The following FGF10 variants were observed in gnomAD, a reference collection of about 807,000 sequenced individuals.
The protein encoded by FGF10 is FGF-10.
Under a neutral mutation model 19.8 loss-of-function variants are expected in FGF10, and 2 were observed. That is an observed-to-expected ratio of 0.10 (90% CI 0.04 to 0.32). The LOEUF is 0.32. FGF10 is among the 10% of genes least tolerant of loss of function. The probability of loss-of-function intolerance (pLI) is 1.00; values close to 1 mark genes in which losing one functional copy is unlikely to be tolerated. For missense variants in FGF10, 191 were observed against 246.3 expected (o/e 0.78, Z 1.50); for synonymous variants, 112 against 94.0 (o/e 1.19, Z -1.10).
chr5:44,315,379 A>G (rs189898720), intron 1 of FGF10, among the ~76,000 whole-genome samples: 10 of 152,230 alleles, frequency 6.6e-5, no homozygotes, highest in Non-Finnish European at 1.5e-4. Flanking sequence ...GTGCATGCAT[A>G]AAAACAGGCT....
intron 1 of FGF10, among the ~76,000 whole-genome samples, chr5:44,353,280 T>C (rs1741275721): frequency 6.6e-6 from 1 of 151,608 alleles, no homozygotes; most frequent in Non-Finnish European, 1.5e-5. Flanking sequence ...TTTGTTATTG[T>C]TGTTGTTAGT....
chr5:44,371,299 C>G (rs1453505899), intron 1 of FGF10, among the ~76,000 whole-genome samples: 1 of 152,060 alleles, frequency 6.6e-6, no homozygotes, highest in Non-Finnish European at 1.5e-5. Context: ...TCCACAGTAG[C>G]AAGAATACCC....
At chr5:44,343,600 G>A (rs1741018254) in intron 1 of FGF10, among the ~76,000 whole-genome samples, 1 of 151,984 alleles carries the variant, frequency 6.6e-6, no homozygotes. Flanking sequence ...TTCTGGTTAT[G>A]TCAAGGAAAA....
intron 1 of FGF10, among the ~76,000 whole-genome samples, chr5:44,347,373 C>A (rs368609527): frequency 4.0e-5 from 6 of 151,690 alleles, no homozygotes; most frequent in Non-Finnish European, 7.4e-5. Flanking sequence ...TGAAGAAATG[C>A]GAGCAACCCT....
chr5:44,310,360 G>A (rs1434404587), intron 2 of FGF10, 67 bp downstream of exon 2: 4 of 1,087,484 alleles, frequency 3.7e-6, no homozygotes, highest in Non-Finnish European at 5.6e-6. Flanking sequence ...GGTGTCTGGA[G>A]GAAACTTTCC....
chr5:44,362,133 C>T (rs556191903), intron 1 of FGF10, among the ~76,000 whole-genome samples: 157 of 151,782 alleles, frequency 1.0e-3, no homozygotes, highest in African/African-American at 3.6e-3. Context: ...GGCATCATGG[C>T]TCTGCTATTT....
Position 44,388,612 on chromosome 5 carries a change from A to G in FGF10, c.71T>C (p.Phe24Ser). The G allele has an allele frequency of 6.2e-7, 1 of 1,614,026 alleles. No homozygotes were observed. The highest frequency in any genetic ancestry group is 8.5e-7 in the Non-Finnish European group (1 of 1,179,958). Residue 24 changes from phenylalanine (F) to serine (S), a missense_variant, in exon 1 of 3, where the codon TTT becomes TCT. Physicochemically the swap from Phe to Ser is radical, Grantham distance 155. Coordinates refer to ENST00000264664, the MANE Select transcript of FGF10 (RefSeq NM_004465.2). ...PHLPGCCCCC[F>S]LLLFLVSSVP... ...GGAAGACACCAAGAACAGCAACAAA[A>G]AGCAGCAGCAGCAGCAGCCGGGCAG...
At chr5:44,339,302 C>T (rs1011636539) in intron 1 of FGF10, among the ~76,000 whole-genome samples, 5 of 151,924 alleles carry the variant, frequency 3.3e-5, no homozygotes. Context: ...TATAAACTAA[C>T]CCACTACTCA....
At chr5:44,316,518 G>C (rs1207741223) in intron 1 of FGF10, among the ~76,000 whole-genome samples, 1 of 152,122 alleles carries the variant, frequency 6.6e-6, no homozygotes, top group Non-Finnish European at 1.5e-5. Flanking sequence ...TAGAATTCCT[G>C]GCATATTTCC....
intron 1 of FGF10, among the ~76,000 whole-genome samples, chr5:44,319,266 A>C (rs560000985): frequency 1.3e-5 from 2 of 152,236 alleles, no homozygotes; most frequent in Non-Finnish European, 2.9e-5. Flanking sequence ...ACTGCATGGC[A>C]TATTTTAATA....
chr5:44,362,233 G>A (rs771725445), intron 1 of FGF10, among the ~76,000 whole-genome samples: 17 of 151,538 alleles, frequency 1.1e-4, no homozygotes, highest in South Asian at 4.1e-4. Context: ...GCTACTTTCC[G>A]TCTTCTATTC....
rs764913349 is a variant in FGF10 at position 44,376,490 on chromosome 5, C to CAAAAAAAAAAAAAAAAAAAAAAAAAA, written c.325+11842_325+11867dup. On this transcript the variant is annotated intron_variant, in intron 1 of 2. Coordinates refer to ENST00000264664, the MANE Select transcript of FGF10 (RefSeq NM_004465.2). ...CTAAGACAAGTTAGAATACAAATGC[C>CAAAAAAAAAAAAAAAAAAAAAAAAAA]AAAAAAAAAAAAAAAAAAAAAAAAA... is the stretch of plus-strand genomic sequence containing the variant. Among the ~76,000 whole-genome samples, 45 of 34,540 alleles carry CAAAAAAAAAAAAAAAAAAAAAAAAAA rather than the reference C, an allele frequency of 1.3e-3. 6 individuals are homozygous for CAAAAAAAAAAAAAAAAAAAAAAAAAA. The highest frequency in any genetic ancestry group is 4.3e-3 in the East Asian group (2 of 464). 22.7% of individuals were successfully genotyped at this position (34,540 alleles called of 152,430 possible).
rs35763425 is a variant in FGF10 at position 44,312,195 on chromosome 5, T to TACAC, written c.326-1669_326-1666dup. ...CCTTATGCTGGTAGTTTCCCTAAGG[T>TACAC]ACACACACACACACACACACACGCA... On this transcript the variant is annotated intron_variant, in intron 1 of 2. Transcript: ENST00000264664. Among the ~76,000 whole-genome samples the TACAC allele has an allele frequency of 9.3e-3, 1,404 of 150,350 alleles. 6 individuals are homozygous for TACAC. The highest frequency in any genetic ancestry group is 0.011 in the African/African-American group (467 of 41,104).
intron 1 of FGF10, among the ~76,000 whole-genome samples, chr5:44,356,858 A>T (rs1327809991): frequency 6.6e-6 from 1 of 151,320 alleles, no homozygotes; most frequent in Non-Finnish European, 1.5e-5. Context: ...TATCAAACTG[A>T]TGCAGTATTA....
chr5:44,325,159 G>C (rs1168621047), intron 1 of FGF10, among the ~76,000 whole-genome samples: 1 of 152,176 alleles, frequency 6.6e-6, no homozygotes, highest in African/African-American at 2.4e-5. Flanking sequence ...GGCCATCAGA[G>C]AAATGCAAAT....
Position 44,388,661 on chromosome 5 carries a change from G to GGGGAAAGGAAA in FGF10, c.21_22insTTTCCTTTCCC (p.His8PhefsTer110). On this transcript the variant is annotated frameshift_variant, in exon 1 of 3. Transcript: ENST00000264664. LOFTEE classifies it high-confidence loss of function. ...AGGTGGGGAAAGGCTGAGGCACAATGTGTCAGTATCCATTTCCACATTGTA... is the reference window on the plus strand; with the variant it reads ...AGGTGGGGAAAGGCTGAGGCACAATGGGGAAAGGAAATGTCAGTATCCATTTCCACATTGTA... 1 of 1,614,058 alleles carries GGGGAAAGGAAA rather than the reference G, an allele frequency of 6.2e-7. No homozygotes were observed. The highest frequency in any genetic ancestry group is 8.5e-7 in the Non-Finnish European group (1 of 1,180,016).
rs867893749 is a variant in FGF10, at chr5:44,303,128, A to G, written c.*1867T>C. 7.2e-5 allele frequency among the ~76,000 whole-genome samples: 11 copies of G among 152,306 alleles called. No individual in the cohort carries two copies. Among genetic ancestry groups the G allele is most frequent in the Middle Eastern group, 3.4e-3 (1 of 294 alleles). Reference sequence around the variant, plus strand: ...TGGAAGCAAAGTATGATGAAATGCAATTTAAACTATAAGCCAAAAGACAGT... The same window carrying G: ...TGGAAGCAAAGTATGATGAAATGCAGTTTAAACTATAAGCCAAAAGACAGT... On this transcript the variant is annotated 3_prime_UTR_variant, in exon 3 of 3. Coordinates refer to ENST00000264664, the MANE Select transcript of FGF10 (RefSeq NM_004465.2).
chr5:44,302,284 TTCC>T lies in FGF10; in HGVS notation c.*2708_*2710del, dbSNP rs1739982080. The stretch of plus-strand genomic sequence containing the variant: ...TTTCCTTCCTTCCTTCTTTCCTTGC[TTCC>T]TTCCTTCCTTCCTTCCTTCCTTCCT... On this transcript the variant is annotated 3_prime_UTR_variant, in exon 3 of 3. Transcript: ENST00000264664. Among the ~76,000 whole-genome samples, 4 of 35,836 alleles carry T rather than the reference TTCC, an allele frequency of 1.1e-4. No individual in the cohort carries two copies. Among genetic ancestry groups the T allele is most frequent in the Non-Finnish European group, 2.2e-4 (4 of 17,946 alleles). 23.5% of individuals were successfully genotyped at this position (35,836 alleles called of 152,430 possible).
intron 1 of FGF10, among the ~76,000 whole-genome samples, chr5:44,337,410 A>G (rs1029173219): frequency 4.6e-5 from 7 of 152,190 alleles, no homozygotes; most frequent in Non-Finnish European, 1.5e-5. Context: ...TCACTAGTCC[A>G]GGTTAATGCA....
Sources: gnomAD v4.1 joint callset for allele counts (sites outside exome capture counted in the v4.1 genomes callset) on GRCh38, gnomAD v4.1.1 for gene constraint, MANE v1.5 for transcripts, NCBI Gene and HGNC (gene_info 2026-07-23, HGNC 2026-07-21) for gene names.